Variants in LSAMP observed in about 807,000 individuals in gnomAD.
LSAMP encodes the protein limbic system associated membrane protein.
Under a neutral mutation model 38.6 loss-of-function variants are expected in LSAMP, and 7 were observed. The ratio of observed to expected loss-of-function variants is 0.18; its 90% CI spans 0.10 to 0.34. LSAMP has a LOEUF of 0.34. Ranked by LOEUF, LSAMP falls within the 10% of genes least tolerant of loss-of-function variation. The pLI, the probability that LSAMP is intolerant of heterozygous loss-of-function variation, is 1.00. For missense variants in LSAMP, 313 were observed against 420.0 expected (o/e 0.75, Z 2.23); for synonymous variants, 154 against 166.8 (o/e 0.92, Z 0.59).
chr3:115,891,123 G>A (rs13083124), intron 3 of LSAMP, among the ~76,000 whole-genome samples: 19,394 of 151,924 alleles, frequency 0.13, 1,423 homozygotes, highest in Middle Eastern at 0.21. Context: ...TGAAGGGAAG[G>A]CTGGGAACCA....
intron 1 of LSAMP, among the ~76,000 whole-genome samples, chr3:116,164,785 C>A (rs1710008289): frequency 8.2e-6 from 1 of 122,042 alleles, no homozygotes; most frequent in Non-Finnish European, 1.6e-5. Context: ...CAAGTAGCAT[C>A]TAGCTTAGTA....
chr3:116,316,267 T>C (rs1458425733), intron 1 of LSAMP, among the ~76,000 whole-genome samples: 2 of 152,176 alleles, frequency 1.3e-5, no homozygotes, highest in Admixed American at 6.5e-5. Flanking sequence ...TTAGTAGTTA[T>C]TGGCAAGTAG....
intron 1 of LSAMP, among the ~76,000 whole-genome samples, chr3:116,195,775 T>A (rs1710869673): frequency 6.6e-6 from 1 of 151,806 alleles, no homozygotes; most frequent in Admixed American, 6.6e-5. Flanking sequence ...TTTGCAAAGA[T>A]TTTTTCATAG....
At chr3:116,274,623 T>A (rs939679719) in intron 1 of LSAMP, among the ~76,000 whole-genome samples, 4 of 152,112 alleles carry the variant, frequency 2.6e-5, no homozygotes, top group Admixed American at 6.5e-5. Context: ...AAAACTATGG[T>A]TTAGGTGAAG....
At chr3:116,221,568 G>T (rs1222855817) in intron 1 of LSAMP, among the ~76,000 whole-genome samples, 1 of 152,204 alleles carries the variant, frequency 6.6e-6, no homozygotes, top group Non-Finnish European at 1.5e-5. Context: ...GTACATGCCT[G>T]TGTGTGTCCT....
chr3:115,897,897 C>G (rs1182844746), intron 3 of LSAMP, among the ~76,000 whole-genome samples: 1 of 152,088 alleles, frequency 6.6e-6, no homozygotes, highest in Non-Finnish European at 1.5e-5. Context: ...ATGAGAGGAA[C>G]AATGTCAAGA....
chr3:115,973,628 G>A (rs1939088918), intron 3 of LSAMP, among the ~76,000 whole-genome samples: 1 of 152,066 alleles, frequency 6.6e-6, no homozygotes, highest in Admixed American at 6.5e-5. Flanking sequence ...CAGCGACTTG[G>A]GAGGCTGAGA....
intron 3 of LSAMP, among the ~76,000 whole-genome samples, chr3:115,900,529 A>AT (rs1936848639): frequency 6.6e-6 from 1 of 151,868 alleles, no homozygotes; most frequent in South Asian, 2.1e-4. Flanking sequence ...AAAAAAAAAA[A>AT]AAAAATGCTA....
At chr3:116,342,247 GT>G (rs1184165079) in intron 1 of LSAMP, among the ~76,000 whole-genome samples, 2 of 151,980 alleles carry the variant, frequency 1.3e-5, no homozygotes, top group Non-Finnish European at 2.9e-5. Context: ...TTTGTGTACT[GT>G]GGTTTCAGTG....
At chr3:115,960,111 C>T (rs1938577881) in intron 3 of LSAMP, among the ~76,000 whole-genome samples, 1 of 152,132 alleles carries the variant, frequency 6.6e-6, no homozygotes, top group African/African-American at 2.4e-5. Context: ...GCTAAAGTCC[C>T]AACCCTTAGT....
At chr3:116,127,370 C>G (rs1160395339) in intron 1 of LSAMP, among the ~76,000 whole-genome samples, 2 of 152,124 alleles carry the variant, frequency 1.3e-5, no homozygotes, top group African/African-American at 4.8e-5. Context: ...CTATACATCC[C>G]ATCTTAATCA....
In LSAMP at chr3:115,856,078, G is replaced by A. The variant is rs144460220; in HGVS notation, c.515-3461C>T. ...TGTTGGAAAGCCAAAGCTCCAGATT[G>A]TAAGTGTTGCAGGGACCATGCCTTA... On this transcript the variant is annotated intron_variant, in intron 3 of 6. Coordinates refer to ENST00000490035, the MANE Select transcript of LSAMP (RefSeq NM_002338.5). 6.3e-3 allele frequency among the ~76,000 whole-genome samples: 962 copies of A among 152,344 alleles called. 6 individuals carry two copies. Among genetic ancestry groups the A allele is most frequent in the Middle Eastern group, 0.017 (5 of 294 alleles).
chr3:115,915,794 G>A (rs547272467), intron 3 of LSAMP, among the ~76,000 whole-genome samples: 5 of 152,060 alleles, frequency 3.3e-5, no homozygotes, highest in Admixed American at 1.3e-4. Flanking sequence ...CACCACGCCC[G>A]GCTAATTTTT....
chr3:116,368,320 C>G (rs1369513763), intron 1 of LSAMP: 1 of 152,128 alleles, frequency 6.6e-6, no homozygotes, highest in African/African-American at 2.4e-5. Context: ...ACAAGTCAGG[C>G]AGGAGTTATG....
At chr3:116,057,967 A>ACACACACCCC (rs1553699987) in intron 2 of LSAMP, among the ~76,000 whole-genome samples, 11 of 147,652 alleles carry the variant, frequency 7.4e-5, no homozygotes, top group Admixed American at 2.0e-4. Context: ...CCACACACAC[A>ACACACACCCC]CACACACACA....
chr3:116,290,186 C>T (rs1576485721), intron 1 of LSAMP, among the ~76,000 whole-genome samples: 1 of 152,192 alleles, frequency 6.6e-6, no homozygotes, highest in Non-Finnish European at 1.5e-5. Context: ...ATTCAAGTAG[C>T]CTATGGTGAC....
chr3:116,430,316 G>A (rs1373831963), intron 1 of LSAMP, among the ~76,000 whole-genome samples: 3 of 151,916 alleles, frequency 2.0e-5, no homozygotes, highest in Non-Finnish European at 4.4e-5. Flanking sequence ...TTCTTCATAA[G>A]CAAAGTAATA....
chr3:116,239,064 T>A (rs1197528305), intron 1 of LSAMP, among the ~76,000 whole-genome samples: 5 of 152,196 alleles, frequency 3.3e-5, no homozygotes, highest in Non-Finnish European at 7.3e-5. Context: ...TTAGAAACTA[T>A]GAGTAGTAGA....
At chr3:116,310,133 C>T (rs78632132) in intron 1 of LSAMP, among the ~76,000 whole-genome samples, 2,188 of 152,202 alleles carry the variant, frequency 0.014, 29 homozygotes, top group Non-Finnish European at 0.025. Context: ...TTATTTTAAC[C>T]CTTCTGATAA....
Sources: gnomAD v4.1 joint callset for allele counts (sites outside exome capture counted in the v4.1 genomes callset) on GRCh38, gnomAD v4.1.1 for gene constraint, MANE v1.5 for transcripts, NCBI Gene and HGNC (gene_info 2026-07-23, HGNC 2026-07-21) for gene names.